The following NLK variants were observed in gnomAD, a reference collection of about 807,000 sequenced individuals.
NLK encodes serine/threonine-protein kinase NLK.
Under a neutral mutation model 59.0 loss-of-function variants are expected in NLK, and 11 were observed. That is an observed-to-expected ratio of 0.19 (90% confidence interval 0.12 to 0.31). The LOEUF is 0.31. Ranked by LOEUF, NLK falls within the 10% of genes least tolerant of loss-of-function variation. The pLI is 1.00. For synonymous variants in NLK, 235 were observed against 235.9 expected (o/e 1.00, Z 0.03); for missense variants, 410 against 661.1 (o/e 0.62, Z 4.16).
chr17:28,185,812 A>G (rs1269008334), intron 8 of NLK, among the ~76,000 whole-genome samples: 2 of 152,184 alleles, frequency 1.3e-5, no homozygotes, highest in Non-Finnish European at 2.9e-5. Context: ...TGCTGGGATT[A>G]CAGATGTGAG....
At chr17:28,062,458 G>T (rs1909694105) in intron 1 of NLK, among the ~76,000 whole-genome samples, 1 of 152,154 alleles carries the variant, frequency 6.6e-6, no homozygotes, top group Non-Finnish European at 1.5e-5. Flanking sequence ...ACCTGGAATT[G>T]TACAGTGTTT....
intron 5 of NLK, among the ~76,000 whole-genome samples, chr17:28,167,523 C>G (rs1432164292): frequency 6.6e-6 from 1 of 151,966 alleles, no homozygotes; most frequent in Non-Finnish European, 1.5e-5. Context: ...GCCACTGTGC[C>G]TGGCCAACAG....
intron 1 of NLK, among the ~76,000 whole-genome samples, chr17:28,056,776 GAT>G (rs1442699862): frequency 2.6e-5 from 4 of 151,854 alleles, no homozygotes; most frequent in African/African-American, 9.7e-5. Flanking sequence ...AGAATTGTAT[GAT>G]ATATCCAATG....
At chr17:28,182,187 T>C (rs1265079484) in intron 7 of NLK, among the ~76,000 whole-genome samples, 1 of 152,230 alleles carries the variant, frequency 6.6e-6, no homozygotes, top group Non-Finnish European at 1.5e-5. Flanking sequence ...TATTACTCTT[T>C]GATCCTGAAG....
intron 1 of NLK, among the ~76,000 whole-genome samples, chr17:28,051,849 T>G (rs1253710860): frequency 6.6e-6 from 1 of 152,166 alleles, no homozygotes; most frequent in Non-Finnish European, 1.5e-5. Context: ...TATTAATATT[T>G]GTTGGAGTTT....
intron 1 of NLK, among the ~76,000 whole-genome samples, chr17:28,052,218 T>TA (rs1177670528): frequency 6.6e-6 from 1 of 152,236 alleles, no homozygotes; most frequent in Non-Finnish European, 1.5e-5. Context: ...TTATAAGTCT[T>TA]ACAATAGTTT....
At chr17:28,076,610 A>C (rs1910165359) in intron 1 of NLK, among the ~76,000 whole-genome samples, 1 of 152,216 alleles carries the variant, frequency 6.6e-6, no homozygotes, top group Non-Finnish European at 1.5e-5. Flanking sequence ...CCAACAGAAA[A>C]GGTACTTTTA....
At chr17:28,046,993 C>T (rs751021915) in intron 1 of NLK, among the ~76,000 whole-genome samples, 2 of 152,144 alleles carry the variant, frequency 1.3e-5, no homozygotes, top group Non-Finnish European at 2.9e-5. Flanking sequence ...ATAACTTCAG[C>T]AGGTTACTTT....
intron 1 of NLK, among the ~76,000 whole-genome samples, chr17:28,055,917 A>G (rs1909427096): frequency 6.6e-6 from 1 of 152,162 alleles, no homozygotes; most frequent in South Asian, 2.1e-4. Flanking sequence ...TCCAAATGTA[A>G]AATTTTCTTT....
In NLK at chr17:28,163,601, C is replaced by G; in HGVS notation, c.810C>G (p.Leu270=). 6.2e-7 allele frequency: 1 copy of G among 1,606,202 alleles called. No individual in the cohort carries two copies. The highest frequency in any genetic ancestry group is 8.5e-7 in the Non-Finnish European group (1 of 1,174,336). ...ATCGAGACATTAAGCCAGGGAATCT[C>G]CTTGTGAACAGCAACTGTGTTCTAA... ...ILHRDIKPGN[L]LVNSNCVLKI... The change falls in exon 5 of 11, where the codon CTC becomes CTG. Residue 270 remains leucine, a synonymous_variant. Transcript: ENST00000407008.
At position 28,046,175 on chromosome 17, in the gene NLK, G is replaced by A. The variant is rs74455359; in HGVS notation, c.458+2844G>A. On this transcript the variant is annotated intron_variant, in intron 1 of 10. Transcript: ENST00000407008. The stretch of plus-strand genomic sequence containing the variant: ...AAGGAGAGATATTTGTAGAAGTGAT[G>A]CAGCATTTTACCAGATTTATCACTG... 6.6e-3 allele frequency among the ~76,000 whole-genome samples: 999 copies of A among 152,312 alleles called. 17 individuals are homozygous for A. Among genetic ancestry groups the A allele is most frequent in the African/African-American group, 0.022 (933 of 41,574 alleles).
At chr17:28,144,464 A>G (rs1907155540) in intron 3 of NLK, among the ~76,000 whole-genome samples, 1 of 151,866 alleles carries the variant, frequency 6.6e-6, no homozygotes, top group African/African-American at 2.4e-5. Flanking sequence ...AAATAAATAT[A>G]TCTCTAAAAC....
intron 1 of NLK, among the ~76,000 whole-genome samples, chr17:28,052,852 TG>T (rs1909306146): frequency 6.6e-6 from 1 of 151,746 alleles, no homozygotes; most frequent in Admixed American, 6.6e-5. Flanking sequence ...TAGCCACACA[TG>T]GCTACTGACC....
chr17:28,042,951 TCACCACCAC>T lies in NLK; in HGVS notation c.84_92del (p.His32_His34del), dbSNP rs752673421. 1.9e-6 allele frequency: 3 copies of T among 1,552,058 alleles called. No individual in the cohort carries two copies. Among genetic ancestry groups the T allele is most frequent in the Non-Finnish European group, 2.6e-6 (3 of 1,147,380 alleles). On this transcript the variant is annotated inframe_deletion, in exon 1 of 11. Coordinates refer to ENST00000407008, the MANE Select transcript of NLK (RefSeq NM_016231.5). ...GCGGTACATCTGCAGCAGCAGCAGGTCACCACCACCACCATCACCACCACCTTCCACACC... is the reference window on the plus strand; with the variant it reads ...GCGGTACATCTGCAGCAGCAGCAGGTCACCATCACCACCACCTTCCACACC...
At chr17:28,110,926 G>T (rs1193222763) in intron 1 of NLK, among the ~76,000 whole-genome samples, 1 of 147,630 alleles carries the variant, frequency 6.8e-6, no homozygotes, top group Non-Finnish European at 1.5e-5. Flanking sequence ...CTCACTGCAA[G>T]CTCCGCCTCC....
chr17:28,056,947 C>CTTTTTTT (rs934652705), intron 1 of NLK, among the ~76,000 whole-genome samples: 14 of 86,898 alleles, frequency 1.6e-4, no homozygotes, highest in South Asian at 3.7e-4. Context: ...CATTACCTAC[C>CTTTTTTT]TTTTTTTTTT....
At chr17:28,060,858 T>C (rs1909609386) in intron 1 of NLK, among the ~76,000 whole-genome samples, 1 of 152,188 alleles carries the variant, frequency 6.6e-6, no homozygotes, top group Non-Finnish European at 1.5e-5. Context: ...CAAAATTGAA[T>C]GCACACGCTC....
intron 3 of NLK, among the ~76,000 whole-genome samples, chr17:28,142,052 G>A (rs905801898): frequency 6.6e-6 from 1 of 152,166 alleles, no homozygotes; most frequent in Non-Finnish European, 1.5e-5. Context: ...ACTTTGTAAA[G>A]GAGAGAGCTG....
intron 2 of NLK, among the ~76,000 whole-genome samples, chr17:28,127,407 C>A (rs1169450792): frequency 6.6e-6 from 1 of 152,186 alleles, no homozygotes. Flanking sequence ...TATGGCCTAT[C>A]TTTTAATACA....
Sources: allele counts gnomAD v4.1 joint callset (sites outside exome capture counted in the v4.1 genomes callset), GRCh38; gene constraint gnomAD v4.1.1; transcripts MANE v1.5; gene names NCBI Gene and HGNC (gene_info 2026-07-23, HGNC 2026-07-21).